The following CDH19 variants were observed in gnomAD, a reference collection of about 807,000 sequenced individuals.
The protein encoded by CDH19 is cadherin-19.
A neutral mutation model predicts 64.2 loss-of-function variants in CDH19; 67 were observed. The observed-to-expected ratio is 1.04, with a 90% confidence interval of 0.86 to 1.28. The LOEUF (loss-of-function observed/expected upper bound fraction) is 1.28. Among genes scored for constraint, CDH19 ranks in the 50% most tolerant of loss-of-function variants. The pLI, the probability that CDH19 is intolerant of heterozygous loss-of-function variation, is 0.00. For synonymous variants in CDH19, 346 were observed against 319.3 expected, an observed-to-expected ratio of 1.08 and a Z score of -0.89; for missense variants, 1,030 against 929.0, an observed-to-expected ratio of 1.11 and a Z score of -1.41.
chr18:66,560,020 T>C (rs1987662818), intron 3 of CDH19, among the ~76,000 whole-genome samples: 1 of 152,018 alleles, frequency 6.6e-6, no homozygotes, highest in Admixed American at 6.6e-5. Context: ...ATTTTTTGTT[T>C]GTTTGTTTCT....
chr18:66,588,065 C>T (rs2144619328), intron 1 of CDH19, among the ~76,000 whole-genome samples: 1 of 152,262 alleles, frequency 6.6e-6, no homozygotes, highest in East Asian at 1.9e-4. Flanking sequence ...ACTGCCAGAG[C>T]CACTATCTGT....
rs919227526 is a variant in CDH19, at chr18:66,579,970, G to T, written c.-112-7654C>A. Among the ~76,000 whole-genome samples the T allele has an allele frequency of 1.3e-4, 20 of 151,982 alleles. 1 individual carries two copies. Among genetic ancestry groups the T allele is most frequent in the Admixed American group, 1.3e-3 (20 of 15,244 alleles). On this transcript the variant is annotated intron_variant, in intron 1 of 11. Coordinates refer to ENST00000262150, the MANE Select transcript of CDH19 (RefSeq NM_021153.4). Reference sequence around the variant, plus strand: ...TTCTTTAAAATATCTCAAAAAAATGGAAGATAGGCAAAACCATTGTGGTAA... The same window carrying T: ...TTCTTTAAAATATCTCAAAAAAATGTAAGATAGGCAAAACCATTGTGGTAA...
chr18:66,577,043 C>A (rs1352066947), intron 1 of CDH19, among the ~76,000 whole-genome samples: 1 of 151,442 alleles, frequency 6.6e-6, no homozygotes, highest in Non-Finnish European at 1.5e-5. Flanking sequence ...CTATAAAATA[C>A]TGCTAAGAGG....
At chr18:66,554,847 A>T (rs551644355) in intron 3 of CDH19, among the ~76,000 whole-genome samples, 2 of 151,950 alleles carry the variant, frequency 1.3e-5, no homozygotes, top group South Asian at 4.1e-4. Context: ...AACTTTTCCA[A>T]GGTGTATTAT....
chr18:66,575,228 G>T (rs1015253799), intron 1 of CDH19, among the ~76,000 whole-genome samples: 2 of 151,734 alleles, frequency 1.3e-5, no homozygotes, highest in Non-Finnish European at 2.9e-5. Context: ...CTGGGGTCGG[G>T]GGAGTGCAAG....
At chr18:66,559,768 A>C (rs1325433603) in intron 3 of CDH19, among the ~76,000 whole-genome samples, 2 of 151,368 alleles carry the variant, frequency 1.3e-5, no homozygotes, top group Non-Finnish European at 2.9e-5. Flanking sequence ...TAAAATATTC[A>C]GGAATATCTA....
intron 8 of CDH19, among the ~76,000 whole-genome samples, chr18:66,534,548 A>C (rs1405373062): frequency 6.6e-6 from 1 of 152,016 alleles, no homozygotes; most frequent in Admixed American, 6.6e-5. Context: ...AAGTAATGGA[A>C]ATGACTTCGA....
At chr18:66,547,824 C>A (rs1987183616) in intron 5 of CDH19, among the ~76,000 whole-genome samples, 1 of 145,172 alleles carries the variant, frequency 6.9e-6, no homozygotes, top group Non-Finnish European at 1.5e-5. Flanking sequence ...CCCGCCACTA[C>A]GCCCGGCTAA....
intron 3 of CDH19, 31 bp from the exon 4 acceptor site, chr18:66,554,555 T>C (rs1056069010): frequency 3.1e-6 from 5 of 1,592,052 alleles, no homozygotes; most frequent in Non-Finnish European, 4.3e-6. Flanking sequence ...GAAATTAAGA[T>C]TGTGGTTTTA....
intron 9 of CDH19, among the ~76,000 whole-genome samples, chr18:66,513,855 TTAG>T (rs1985610198): frequency 6.6e-6 from 1 of 151,430 alleles, no homozygotes; most frequent in South Asian, 2.1e-4. Context: ...GCTCAGATTT[TTAG>T]TATTCTTTTT....
chr18:66,505,234 C>G lies in CDH19; in HGVS notation c.1897G>C (p.Asp633His). The G allele has an allele frequency of 6.2e-7, 1 of 1,601,848 alleles. No individual in the cohort carries two copies. Among genetic ancestry groups the G allele is most frequent in the Non-Finnish European group, 8.5e-7 (1 of 1,176,336 alleles). The change falls in exon 12 of 12, where the codon GAT becomes CAT. Residue 633 changes from aspartate (D) to histidine (H), a missense_variant. Asp to His is a moderately conservative substitution (Grantham distance 81). Coordinates refer to ENST00000262150, the MANE Select transcript of CDH19 (RefSeq NM_021153.4). ...TATTGGAATATATTCTCTCTGAAAT[C>G]TTCACTTTTCTCAGGAAATAGAATC... Reference protein sequence around the residue: ...KQILFPEKSEDFRENIFQYDD... With the variant: ...KQILFPEKSEHFRENIFQYDD...
rs1986991093 is a variant in CDH19 at position 66,543,836 on chromosome 18, T to C, written c.1214+135A>G. On this transcript the variant is annotated intron_variant, in intron 7 of 11. Transcript: ENST00000262150. Reference sequence around the variant, plus strand: ...AAGCAGAGGTGGCAATGAGCTGAGATTGCGCCACTGTACTCGAGCCTAGAA... The same window carrying C: ...AAGCAGAGGTGGCAATGAGCTGAGACTGCGCCACTGTACTCGAGCCTAGAA... The C allele has an allele frequency of 6.3e-6, 4 of 630,240 alleles. No individual in the cohort carries two copies. The East Asian group carries it at 1.2e-4, about 19-fold the overall frequency. The allele number at this position is 630,240 out of a possible 1,614,324, so 39.0% of individuals were successfully genotyped here.
At chr18:66,511,707 T>G (rs1212738360) in intron 9 of CDH19, 22 bp from the exon 10 acceptor site, 1 of 1,144,020 alleles carries the variant, frequency 8.7e-7, no homozygotes, top group South Asian at 1.3e-5. Flanking sequence ...GGGGGATAGA[T>G]TTTTGTTGTT....
At position 66,583,217 on chromosome 18, in the gene CDH19, T is replaced by C. The variant is rs541884352; in HGVS notation, c.-112-10901A>G. Among the ~76,000 whole-genome samples the C allele has an allele frequency of 1.2e-4, 18 of 152,126 alleles. 1 individual carries two copies. The highest frequency in any genetic ancestry group is 2.6e-4 in the Non-Finnish European group (18 of 68,034). ...TATACAAAAATAAACATCAGACATA[T>C]AAGCATTGATAATTATATTCTTTGT... On this transcript the variant is annotated intron_variant, in intron 1 of 11. Transcript: ENST00000262150.
chr18:66,582,560 AGC>A (rs1400743394), intron 1 of CDH19, among the ~76,000 whole-genome samples: 1 of 150,986 alleles, frequency 6.6e-6, no homozygotes, highest in Non-Finnish European at 1.5e-5. Context: ...TTCATTGCAC[AGC>A]ACTAAAATGT....
At chr18:66,524,318 G>T (rs1986122163) in intron 9 of CDH19, among the ~76,000 whole-genome samples, 1 of 151,784 alleles carries the variant, frequency 6.6e-6, no homozygotes, top group Non-Finnish European at 1.5e-5. Context: ...GAGTAGTGTG[G>T]ACAAAGAACA....
At position 66,504,907 on chromosome 18, in the gene CDH19, C is replaced by A; in HGVS notation, c.2224G>T (p.Asp742Tyr). 1 of 1,613,510 alleles carries A rather than the reference C, an allele frequency of 6.2e-7. No homozygotes were observed. Among genetic ancestry groups the A allele is most frequent in the Non-Finnish European group, 8.5e-7 (1 of 1,179,726 alleles). Residue 742 changes from aspartate (D) to tyrosine (Y), a missense_variant, in exon 12 of 12, where the codon GAT (aspartate) becomes TAT (tyrosine). Physicochemically the swap from Asp to Tyr is radical, Grantham distance 160 (BLOSUM62 -3). Transcript: ENST00000262150. ...SLSSLESAVS[D>Y]QDESYDYLNE... ...AGGTAATCATAGCTTTCATCCTGAT[C>A]AGAGACTGCTGATTCTAAGGAGCTC...
chr18:66,565,558 G>A (rs1297287504), intron 3 of CDH19, among the ~76,000 whole-genome samples: 3 of 151,844 alleles, frequency 2.0e-5, no homozygotes, highest in Non-Finnish European at 2.9e-5. Context: ...TTAAATGGCC[G>A]TGGATATAGA....
At chr18:66,527,480 C>T (rs914244466) in intron 9 of CDH19, among the ~76,000 whole-genome samples, 1 of 151,910 alleles carries the variant, frequency 6.6e-6, no homozygotes, top group African/African-American at 2.4e-5. Context: ...CAAGTGTGGT[C>T]GCTTACGCCT....
Sources: gnomAD v4.1 joint callset for allele counts (sites outside exome capture counted in the v4.1 genomes callset) on GRCh38, gnomAD v4.1.1 for gene constraint, MANE v1.5 for transcripts, NCBI Gene and HGNC (gene_info 2026-07-23, HGNC 2026-07-21) for gene names.